RNF180: variants seen among roughly 807,000 people sequenced by gnomAD.
RNF180 encodes ring finger protein 180.
A neutral mutation model predicts 59.2 loss-of-function variants in RNF180; 38 were observed. The observed-to-expected ratio is 0.64, with a 90% CI of 0.50 to 0.84. RNF180 has a LOEUF of 0.84. Ranked by LOEUF, RNF180 falls within the 40% of genes least tolerant of loss-of-function variation. The probability of loss-of-function intolerance (pLI) is 0.00; values close to 1 mark genes in which losing one functional copy is unlikely to be tolerated. For missense variants in RNF180, 705 were observed against 700.9 expected (o/e 1.01, Z -0.07); for synonymous variants, 262 against 240.3 (o/e 1.09, Z -0.84).
chr5:64,202,849 G>T (rs1751822216), intron 2 of RNF180, among the ~76,000 whole-genome samples: 1 of 152,162 alleles, frequency 6.6e-6, no homozygotes, highest in African/African-American at 2.4e-5. Flanking sequence ...TGCTAGATAA[G>T]GAAACTGAGG....
chr5:64,198,148 T>A (rs1751548854), intron 1 of RNF180, among the ~76,000 whole-genome samples: 1 of 152,200 alleles, frequency 6.6e-6, no homozygotes, highest in African/African-American at 2.4e-5. Context: ...CTCGGTATAT[T>A]AAAAGTATTA....
intron 2 of RNF180, among the ~76,000 whole-genome samples, chr5:64,206,303 T>C (rs1752014115): frequency 6.6e-6 from 1 of 152,200 alleles, no homozygotes; most frequent in Admixed American, 6.6e-5. Flanking sequence ...TAAAACACTT[T>C]AATTATTAGG....
At chr5:64,332,856 C>A (rs371902584) in intron 7 of RNF180, among the ~76,000 whole-genome samples, 1 of 152,068 alleles carries the variant, frequency 6.6e-6, no homozygotes, top group African/African-American at 2.4e-5. Context: ...CTGCATAAGA[C>A]CAACAAAATC....
intron 2 of RNF180, 129 bp downstream of exon 2, chr5:64,201,071 C>T: frequency 1.4e-6 from 1 of 708,872 alleles, no homozygotes; most frequent in East Asian, 2.7e-5. Flanking sequence ...GACTCTTTGT[C>T]TCTCACCTTA....
chr5:64,223,634 A>G (rs1353198412), intron 5 of RNF180, among the ~76,000 whole-genome samples: 1 of 152,164 alleles, frequency 6.6e-6, no homozygotes, highest in Non-Finnish European at 1.5e-5. Flanking sequence ...GCCCTTAACC[A>G]TTATTCCACA....
chr5:64,299,289 G>A (rs991758526), intron 5 of RNF180, among the ~76,000 whole-genome samples: 6 of 151,950 alleles, frequency 3.9e-5, no homozygotes, highest in African/African-American at 1.4e-4. Context: ...AATAGTCTGA[G>A]TAGATTAATT....
intron 5 of RNF180, among the ~76,000 whole-genome samples, chr5:64,269,844 A>G (rs1429877448): frequency 6.6e-6 from 1 of 152,180 alleles, no homozygotes; most frequent in Non-Finnish European, 1.5e-5. Context: ...AAATTTTGGC[A>G]CGTATTTAAA....
At chr5:64,244,100 A>G (rs901354372) in intron 5 of RNF180, among the ~76,000 whole-genome samples, 1 of 152,206 alleles carries the variant, frequency 6.6e-6, no homozygotes, top group Non-Finnish European at 1.5e-5. Flanking sequence ...ACCAACATCA[A>G]AACCGAAGGT....
At chr5:64,267,070 T>C (rs1309090189) in intron 5 of RNF180, among the ~76,000 whole-genome samples, 2 of 152,074 alleles carry the variant, frequency 1.3e-5, no homozygotes, top group Non-Finnish European at 2.9e-5. Flanking sequence ...TTATATCATA[T>C]TCAGCTTCTC....
At chr5:64,252,230 G>A (rs1431911160) in intron 5 of RNF180, among the ~76,000 whole-genome samples, 2 of 152,110 alleles carry the variant, frequency 1.3e-5, no homozygotes, top group Non-Finnish European at 2.9e-5. Context: ...ATCCATGCAT[G>A]TACAGCCAGC....
intron 2 of RNF180, among the ~76,000 whole-genome samples, chr5:64,208,365 C>T (rs1315692105): frequency 6.6e-6 from 1 of 151,986 alleles, no homozygotes; most frequent in Non-Finnish European, 1.5e-5. Flanking sequence ...TTCTAATTTT[C>T]AGTCAAATTT....
intron 5 of RNF180, among the ~76,000 whole-genome samples, chr5:64,263,831 C>T (rs775659830): frequency 6.6e-6 from 1 of 152,148 alleles, no homozygotes; most frequent in African/African-American, 2.4e-5. Flanking sequence ...TACACACTTG[C>T]ATACAGATGT....
chr5:64,186,834 G>A (rs377044784), intron 1 of RNF180, among the ~76,000 whole-genome samples: 1 of 152,024 alleles, frequency 6.6e-6, no homozygotes, highest in South Asian at 2.1e-4. Context: ...TGTAAATACC[G>A]ACATGCACAC....
At chr5:64,320,428 A>G (rs907460414) in intron 5 of RNF180, among the ~76,000 whole-genome samples, 6 of 152,312 alleles carry the variant, frequency 3.9e-5, no homozygotes, top group South Asian at 2.1e-4. Context: ...AAAACATTCT[A>G]TATTTTAGCA....
chr5:64,237,745 C>T (rs1742530187), intron 5 of RNF180, among the ~76,000 whole-genome samples: 1 of 151,976 alleles, frequency 6.6e-6, no homozygotes, highest in Non-Finnish European at 1.5e-5. Context: ...TGGATTTCTC[C>T]CTCACTGTTT....
rs376746218 is a variant in RNF180 at position 64,226,838 on chromosome 5, G to A, written c.1227+9442G>A. On this transcript the variant is annotated intron_variant, in intron 5 of 7. Transcript: ENST00000389100. Reference sequence around the variant, plus strand: ...ATGGAAATCAGGAAGAATGTAATAAGCATCATCGATGGATGGGATGACCTG... The same window carrying A: ...ATGGAAATCAGGAAGAATGTAATAAACATCATCGATGGATGGGATGACCTG... Among the ~76,000 whole-genome samples the A allele has an allele frequency of 2.0e-4, 31 of 152,316 alleles. 1 individual carries two copies. The South Asian group carries it at 4.6e-3, about 22-fold the overall frequency.
At chr5:64,257,895 A>C (rs1170516654) in intron 5 of RNF180, among the ~76,000 whole-genome samples, 1 of 152,218 alleles carries the variant, frequency 6.6e-6, no homozygotes, top group Non-Finnish European at 1.5e-5. Context: ...TCTGTGTGTC[A>C]GATACTCTTC....
At chr5:64,188,434 G>A (rs377704377) in intron 1 of RNF180, among the ~76,000 whole-genome samples, 30 of 151,638 alleles carry the variant, frequency 2.0e-4, no homozygotes, top group East Asian at 9.7e-4. Flanking sequence ...TTTAAGTGCC[G>A]TGCCCAGGAG....
intron 7 of RNF180, among the ~76,000 whole-genome samples, chr5:64,366,698 AT>A (rs1746462623): frequency 6.6e-6 from 1 of 151,672 alleles, no homozygotes; most frequent in East Asian, 1.9e-4. Context: ...GAAAAAAAGA[AT>A]TTTAAAAGGA....
Sources: gnomAD v4.1 joint callset for allele counts (sites outside exome capture counted in the v4.1 genomes callset) on GRCh38, gnomAD v4.1.1 for gene constraint, MANE v1.5 for transcripts, NCBI Gene and HGNC (gene_info 2026-07-23, HGNC 2026-07-21) for gene names.